Variants in FREM1 observed in about 807,000 individuals in gnomAD.
FREM1 encodes FRAS1-related extracellular matrix protein 1.
A neutral mutation model predicts 210.1 loss-of-function variants in FREM1; 220 were observed. That is an observed-to-expected ratio of 1.05 (90% CI 0.94 to 1.17). The LOEUF (loss-of-function observed/expected upper bound fraction) is 1.17. FREM1 is among the 50% of genes most tolerant of loss of function. The pLI, the probability that FREM1 is intolerant of heterozygous loss-of-function variation, is 0.00. For missense variants in FREM1, 3,454 were observed against 2,675.5 expected (o/e 1.29, Z -6.42); for synonymous variants, 1,189 against 980.2 (o/e 1.21, Z -3.98).
At chr9:14,830,014 G>A (rs1260780967) in intron 10 of FREM1, among the ~76,000 whole-genome samples, 2 of 152,208 alleles carry the variant, frequency 1.3e-5, no homozygotes, top group African/African-American at 4.8e-5. Context: ...CATGCCCAGA[G>A]GAGAGAACAG....
At chr9:14,861,117 A>G (rs1564105848) in intron 3 of FREM1, among the ~76,000 whole-genome samples, 33 of 107,372 alleles carry the variant, frequency 3.1e-4, no homozygotes, top group African/African-American at 1.3e-3. Context: ...ACACATATAT[A>G]TACATATATA....
At chr9:14,878,381 C>T (rs1279505788) in intron 1 of FREM1, among the ~76,000 whole-genome samples, 1 of 152,092 alleles carries the variant, frequency 6.6e-6, no homozygotes, top group African/African-American at 2.4e-5. Context: ...CTTGAACGTT[C>T]TTCCCCCAGA....
chr9:14,769,764 G>C lies in FREM1; in HGVS notation c.5164C>G (p.Gln1722Glu). ...LEVNSDTVEF[Q>E]IMDPTGNSAT... ...GAGTTCCCTGTGGGGTCCATGATTT[G>C]AAATTCCACGGTATCTGAATTTACT... Residue 1722 changes from glutamine to glutamate, a missense_variant, in exon 27 of 37, where the codon CAA becomes GAA. Coordinates refer to ENST00000380880, the MANE Select transcript of FREM1 (RefSeq NM_001379081.2). 3.1e-6 allele frequency: 5 copies of C among 1,611,644 alleles called. 1 individual carries two copies. Among genetic ancestry groups the C allele is most frequent in the Non-Finnish European group, 4.2e-6 (5 of 1,178,276 alleles).
intron 1 of FREM1, among the ~76,000 whole-genome samples, chr9:14,897,883 C>A (rs926614570): frequency 6.6e-6 from 1 of 152,214 alleles, no homozygotes; most frequent in East Asian, 1.9e-4. Context: ...CATGAGCCAT[C>A]AAGCCTAGCC....
intron 25 of FREM1, 63 bp from the exon 26 acceptor site, chr9:14,770,869 G>T: frequency 8.3e-7 from 1 of 1,210,546 alleles, no homozygotes. Context: ...GCAACGTTGG[G>T]CTTTATTGGT....
chr9:14,860,827 A>ATATATACG (rs1829969697), intron 3 of FREM1, among the ~76,000 whole-genome samples: 1 of 74,014 alleles, frequency 1.4e-5, no homozygotes, highest in African/African-American at 5.1e-5. Context: ...ACATATATAC[A>ATATATACG]TATATACGTA....
intron 23 of FREM1, among the ~76,000 whole-genome samples, chr9:14,788,521 G>C (rs33998779): frequency 0.013 from 1,928 of 151,974 alleles, 16 homozygotes; most frequent in Middle Eastern, 0.027. Context: ...TTATTTTATT[G>C]TTTTAGAAGT....
chr9:14,902,439 A>T (rs1838951947), intron 1 of FREM1, among the ~76,000 whole-genome samples: 1 of 152,206 alleles, frequency 6.6e-6, no homozygotes, highest in Admixed American at 6.5e-5. Context: ...ATAGCCTGTG[A>T]TTTCCATGCG....
At chr9:14,818,679 A>C (rs143593057) in intron 14 of FREM1, among the ~76,000 whole-genome samples, 1 of 152,308 alleles carries the variant, frequency 6.6e-6, no homozygotes, top group Non-Finnish European at 1.5e-5. Context: ...TTTCTCTAGG[A>C]CCATGAGGCC....
At chr9:14,785,324 C>A (rs924657870) in intron 23 of FREM1, among the ~76,000 whole-genome samples, 1 of 152,102 alleles carries the variant, frequency 6.6e-6, no homozygotes, top group South Asian at 2.1e-4. Flanking sequence ...GTTATATGAG[C>A]AAGCTGAGAA....
chr9:14,740,114 C>G (rs1468611300), intron 36 of FREM1, 35 bp downstream of exon 36: 2 of 1,408,924 alleles, frequency 1.4e-6, no homozygotes, highest in Non-Finnish European at 2.0e-6. Context: ...GTCCTTGCCT[C>G]CCTCCTCAGT....
intron 14 of FREM1, 40 bp from the exon 15 acceptor site, chr9:14,816,911 T>C: frequency 1.2e-5 from 9 of 778,886 alleles, no homozygotes; most frequent in Non-Finnish European, 1.7e-5. Context: ...TTAGGAACAG[T>C]GTGAGAGTAA....
chr9:14,851,368 G>C lies in FREM1; in HGVS notation c.1068C>G (p.Ser356=), dbSNP rs1414169299. 1.2e-6 allele frequency: 2 copies of C among 1,613,786 alleles called. No homozygotes were observed. Among genetic ancestry groups the C allele is most frequent in the Non-Finnish European group, 1.7e-6 (2 of 1,179,740 alleles). The part of the protein sequence containing the change: ...THLLDHTRPI[S]SFTWKDLSDM... ...CACTGAGATCTTTCCAGGTGAATGA[G>C]GAGATTGGTCTGGTGTGATCCAACA... is the stretch of plus-strand genomic sequence containing the variant. The change falls in exon 6 of 37, where the codon TCC becomes TCG. Residue 356 remains serine, a synonymous_variant. Coordinates refer to ENST00000380880, the MANE Select transcript of FREM1 (RefSeq NM_001379081.2).
intron 12 of FREM1, 31 bp downstream of exon 12, chr9:14,823,994 T>C (rs1392038782): frequency 7.1e-7 from 1 of 1,400,982 alleles, no homozygotes; most frequent in Non-Finnish European, 9.9e-7. Flanking sequence ...ACTTGCATCA[T>C]GTTTGTCAGC....
At chr9:14,888,267 A>G (rs931518274) in intron 1 of FREM1, among the ~76,000 whole-genome samples, 2 of 152,142 alleles carry the variant, frequency 1.3e-5, no homozygotes, top group Non-Finnish European at 2.9e-5. Flanking sequence ...CATCAGCTTG[A>G]CCTTGTCATC....
At chr9:14,803,602 C>A (rs1214550883) in intron 19 of FREM1, among the ~76,000 whole-genome samples, 1 of 152,088 alleles carries the variant, frequency 6.6e-6, no homozygotes, top group Admixed American at 6.5e-5. Flanking sequence ...CTCTTGGGCT[C>A]AAAGGATCCT....
At chr9:14,906,928 T>C (rs891300616) in intron 1 of FREM1, among the ~76,000 whole-genome samples, 6 of 152,212 alleles carry the variant, frequency 3.9e-5, no homozygotes, top group Non-Finnish European at 7.3e-5. Context: ...AGGATAAACC[T>C]GAGAGTGAAA....
chr9:14,823,036 A>G (rs1588177769), intron 13 of FREM1, 124 bp downstream of exon 13: 1 of 620,336 alleles, frequency 1.6e-6, no homozygotes, highest in Admixed American at 3.5e-5. Flanking sequence ...ACTACACCAT[A>G]GATGGAAATT....
chr9:14,753,005 GCCT>G (rs1345194846), intron 29 of FREM1, among the ~76,000 whole-genome samples: 1 of 152,208 alleles, frequency 6.6e-6, no homozygotes, highest in African/African-American at 2.4e-5. Flanking sequence ...TGGTTTCTAT[GCCT>G]TCCAGGTGTG....
Sources: allele counts gnomAD v4.1 joint callset (sites outside exome capture counted in the v4.1 genomes callset), GRCh38; gene constraint gnomAD v4.1.1; transcripts MANE v1.5; gene names NCBI Gene and HGNC (gene_info 2026-07-23, HGNC 2026-07-21).